The following TNF variants were observed in gnomAD, a reference collection of about 807,000 sequenced individuals.
The protein encoded by TNF is APC1 protein.
A neutral mutation model predicts 21.8 loss-of-function variants in TNF; 7 were observed. The observed-to-expected ratio is 0.32, with a 90% confidence interval of 0.18 to 0.60. TNF has a LOEUF of 0.60. Among genes scored for constraint, TNF ranks in the 20% least tolerant of loss-of-function variants. The probability of loss-of-function intolerance (pLI) is 0.84; values close to 1 mark genes in which losing one functional copy is unlikely to be tolerated. For synonymous variants in TNF, 123 were observed against 130.2 expected, an observed-to-expected ratio of 0.94 and a Z score of 0.38; for missense variants, 216 against 296.6, an observed-to-expected ratio of 0.73 and a Z score of 2.00.
rs371089170 is a variant in TNF, at chr6:31,577,044, C to T, written c.281-72C>T. Reference sequence around the variant, plus strand: ...AACCGGATGTGGGGTGGGCAGAGCTCGAGGGCCAGGATGTGGAGAGTGAAC... The same window carrying T: ...AACCGGATGTGGGGTGGGCAGAGCTTGAGGGCCAGGATGTGGAGAGTGAAC... On this transcript the variant is annotated intron_variant, in intron 3 of 3. Coordinates refer to ENST00000449264, the MANE Select transcript of TNF (RefSeq NM_000594.4). The surrounding 1 kb of genome is among the most constrained non-coding windows in gnomAD (Gnocchi z 7.7). 7.2e-6 allele frequency: 11 copies of T among 1,533,160 alleles called. No homozygotes were observed. The East Asian group carries it at 9.0e-5, about 13-fold the overall frequency. The allele number at this position is 1,533,160 out of a possible 1,614,324, so 95.0% of individuals were successfully genotyped here. A position where few individuals can be genotyped will look rare whatever the true frequency, so the allele number is the denominator to read the frequency against.
chr6:31,576,902 A>G, intron 3 of TNF, 88 bp downstream of exon 3: 1 of 1,524,058 alleles, frequency 6.6e-7, no homozygotes. Context: ...ACTTGGAGAC[A>G]ATGTGAGAAG....
chr6:31,577,120 C>T lies in TNF; in HGVS notation c.285C>T (p.Asn95=), dbSNP rs1275059124. 3.7e-6 allele frequency: 6 copies of T among 1,604,602 alleles called. No homozygotes were observed. Among genetic ancestry groups the T allele is most frequent in the Non-Finnish European group, 4.3e-6 (5 of 1,175,678 alleles). The stretch of plus-strand genomic sequence containing the variant: ...TCCCTCTCTCCCTCCCTCCAGCAAA[C>T]CCTCAAGCTGAGGGGCAGCTCCAGT... ...SDKPVAHVVA[N]PQAEGQLQWL... Residue 95 remains asparagine, a synonymous_variant, in exon 4 of 4, where the codon AAC becomes AAT. Transcript: ENST00000449264. The surrounding 1 kb of genome is among the most constrained non-coding windows in gnomAD (Gnocchi z 7.7).
chr6:31,576,809 T>C lies in TNF; in HGVS notation c.275T>C (p.Val92Ala). 6.2e-7 allele frequency: 1 copy of C among 1,612,932 alleles called. No individual in the cohort carries two copies. Among genetic ancestry groups the C allele is most frequent in the Non-Finnish European group, 8.5e-7 (1 of 1,179,978 alleles). ...CCGAGTGACAAGCCTGTAGCCCATG[T>C]TGTAGGTAAGAGCTCTGAGGATGTG... is the stretch of plus-strand genomic sequence containing the variant. ...RTPSDKPVAHVVANPQAEGQL... is the reference protein window; with the variant it reads ...RTPSDKPVAHAVANPQAEGQL... Residue 92 changes from valine (V) to alanine (A), a missense_variant, in exon 3 of 4, where the codon GTT (valine) becomes GCT (alanine). By Grantham distance (64) the Val-to-Ala change is moderately conservative. Transcript: ENST00000449264.
intron 1 of TNF, among the ~76,000 whole-genome samples, 168 bp downstream of exon 1, chr6:31,576,095 G>T (rs1771167988): frequency 6.6e-6 from 1 of 152,166 alleles, no homozygotes; most frequent in South Asian, 2.1e-4. Flanking sequence ...AAGAGATGGG[G>T]AAGAGAGAGA....
Position 31,577,026 on chromosome 6 carries a change from T to C in TNF, c.281-90T>C, listed in dbSNP as rs2150389639. 6.7e-7 allele frequency: 1 copy of C among 1,492,100 alleles called. No individual in the cohort carries two copies. The highest frequency in any genetic ancestry group is 1.3e-5 in the South Asian group (1 of 79,818). 92.4% of individuals were successfully genotyped at this position (1,492,100 alleles called of 1,614,324 possible). A position where few individuals can be genotyped will look rare whatever the true frequency, so the allele number is the denominator to read the frequency against. Reference sequence around the variant, plus strand: ...ACAGACAGAGAGGACAGGAACCGGATGTGGGGTGGGCAGAGCTCGAGGGCC... The same window carrying C: ...ACAGACAGAGAGGACAGGAACCGGACGTGGGGTGGGCAGAGCTCGAGGGCC... On this transcript the variant is annotated intron_variant, in intron 3 of 3. Coordinates refer to ENST00000449264, the MANE Select transcript of TNF (RefSeq NM_000594.4). This position sits in a 1 kb window ranked among gnomAD's most constrained non-coding sequence, Gnocchi z 7.7.
rs772549106 is a variant in TNF at position 31,577,609 on chromosome 6, C to T, written c.*72C>T. The stretch of plus-strand genomic sequence containing the variant: ...CCTTTATTACCCCCTCCTTCAGACA[C>T]CCTCAACCTCTTCTGGCTCAAAAAG... On this transcript the variant is annotated 3_prime_UTR_variant, in exon 4 of 4. Coordinates refer to ENST00000449264, the MANE Select transcript of TNF (RefSeq NM_000594.4). The surrounding 1 kb of genome is among the most constrained non-coding windows in gnomAD (Gnocchi z 7.7). 15 of 1,570,562 alleles carry T rather than the reference C, an allele frequency of 9.6e-6. No individual in the cohort carries two copies. Among genetic ancestry groups the T allele is most frequent in the African/African-American group, 4.0e-5 (3 of 74,212 alleles).
At position 31,577,047 on chromosome 6, in the gene TNF, G is replaced by A; in HGVS notation, c.281-69G>A. On this transcript the variant is annotated intron_variant, in intron 3 of 3. Transcript: ENST00000449264. This position sits in a 1 kb window ranked among gnomAD's most constrained non-coding sequence, Gnocchi z 7.7. ...CGGATGTGGGGTGGGCAGAGCTCGA[G>A]GGCCAGGATGTGGAGAGTGAACCGA... 11 of 1,536,906 alleles carry A rather than the reference G, an allele frequency of 7.2e-6. No homozygotes were observed. Among genetic ancestry groups the A allele is most frequent in the Non-Finnish European group, 9.6e-6 (11 of 1,141,298 alleles).
intron 1 of TNF, among the ~76,000 whole-genome samples, chr6:31,576,151 CTAAG>C (rs1771171718): frequency 6.6e-6 from 1 of 151,816 alleles, no homozygotes; most frequent in African/African-American, 2.4e-5. Flanking sequence ...AAGGTGCTCA[CTAAG>C]TGTGTATGGA....
rs762056461 is a variant in TNF at position 31,577,504 on chromosome 6, T to G, written c.669T>G (p.Ser223=). The change falls in exon 4 of 4, where the codon TCT becomes TCG. Residue 223 remains serine (S), a synonymous_variant. Coordinates refer to ENST00000449264, the MANE Select transcript of TNF (RefSeq NM_000594.4). This position sits in a 1 kb window ranked among gnomAD's most constrained non-coding sequence, Gnocchi z 7.7. ...NRPDYLDFAE[S]GQVYFGIIAL is the part of the protein sequence containing the mutation. ...CCGACTATCTCGACTTTGCCGAGTC[T>G]GGGCAGGTCTACTTTGGGATCATTG... 6.2e-7 allele frequency: 1 copy of G among 1,613,122 alleles called. No individual in the cohort carries two copies. The highest frequency in any genetic ancestry group is 1.1e-5 in the South Asian group (1 of 91,088).
In TNF at chr6:31,577,074, A is replaced by C. The variant is rs1371765506; in HGVS notation, c.281-42A>C. ...GCCAGGATGTGGAGAGTGAACCGACATGGCCACACTGACTCTCCTCTCCCT... is the reference window on the plus strand; with the variant it reads ...GCCAGGATGTGGAGAGTGAACCGACCTGGCCACACTGACTCTCCTCTCCCT... On this transcript the variant is annotated intron_variant, in intron 3 of 3. Transcript: ENST00000449264. The surrounding 1 kb of genome is among the most constrained non-coding windows in gnomAD (Gnocchi z 7.7). The C allele has an allele frequency of 6.4e-7, 1 of 1,562,254 alleles. No homozygotes were observed. Among genetic ancestry groups the C allele is most frequent in the Non-Finnish European group, 8.7e-7 (1 of 1,155,764 alleles).
chr6:31,576,599 T>C lies in TNF; in HGVS notation c.232+20T>C. 1.2e-6 allele frequency: 2 copies of C among 1,612,624 alleles called. No homozygotes were observed. The highest frequency in any genetic ancestry group is 1.7e-6 in the Non-Finnish European group (2 of 1,179,506). On this transcript the variant is annotated intron_variant, in intron 2 of 3. Transcript: ENST00000449264. ...CAGTCAGTAAGTGTCTCCAAACCTC[T>C]TTCCTAATTCTGGGTTTGGGTTTGG...
rs772842161 is a variant in TNF at position 31,577,355 on chromosome 6, A to G, written c.520A>G (p.Lys174Glu). 6.2e-7 allele frequency: 1 copy of G among 1,613,150 alleles called. No homozygotes were observed. Among genetic ancestry groups the G allele is most frequent in the Admixed American group, 1.7e-5 (1 of 60,034 alleles). Residue 174 changes from lysine to glutamate, a missense_variant, in exon 4 of 4, where the codon AAG (lysine) becomes GAG (glutamate). Transcript: ENST00000449264. The surrounding 1 kb of genome is among the most constrained non-coding windows in gnomAD (Gnocchi z 7.7). ...CAAGGTCAACCTCCTCTCTGCCATCAAGAGCCCCTGCCAGAGGGAGACCCC... is the reference window on the plus strand; with the variant it reads ...CAAGGTCAACCTCCTCTCTGCCATCGAGAGCCCCTGCCAGAGGGAGACCCC... ...QTKVNLLSAI[K>E]SPCQRETPEG... is the part of the protein sequence containing the mutation.
Position 31,575,756 on chromosome 6 carries a change from C to G in TNF, c.15C>G (p.Ser5Arg). ...GAAAGGACACCATGAGCACTGAAAG[C>G]ATGATCCGGGACGTGGAGCTGGCCG... MSTE[S>R]MIRDVELAEE... The change falls in exon 1 of 4, where the codon AGC becomes AGG. Residue 5 changes from serine to arginine, a missense_variant. Ser to Arg is a moderately radical substitution (Grantham distance 110). Coordinates refer to ENST00000449264, the MANE Select transcript of TNF (RefSeq NM_000594.4). This position sits in a 1 kb window ranked among gnomAD's most constrained non-coding sequence, Gnocchi z 6.2. 6.3e-7 allele frequency: 1 copy of G among 1,597,604 alleles called. No homozygotes were observed. The highest frequency in any genetic ancestry group is 8.5e-7 in the Non-Finnish European group (1 of 1,172,158).
rs4645838 is a variant in TNF at position 31,575,627 on chromosome 6, AC to A, written c.-108del. 22 of 941,580 alleles carry A rather than the reference AC, an allele frequency of 2.3e-5. No individual in the cohort carries two copies. Among genetic ancestry groups the A allele is most frequent in the East Asian group, 1.3e-4 (5 of 37,762 alleles). 58.3% of individuals were successfully genotyped at this position (941,580 alleles called of 1,614,324 possible). A position where few individuals can be genotyped will look rare whatever the true frequency, so the allele number is the denominator to read the frequency against. On this transcript the variant is annotated 5_prime_UTR_variant, in exon 1 of 4. Transcript: ENST00000449264. The surrounding 1 kb of genome is among the most constrained non-coding windows in gnomAD (Gnocchi z 6.2). ...CTAAGAGGGAGAGAAGCAACTACAG[AC>A]CCCCCCTGAAAACAACCCTCAGACG...
In TNF at chr6:31,575,828, G is replaced by T. The variant is rs2228088; in HGVS notation, c.87G>T (p.Arg29=). The part of the protein sequence containing the change: ...KKTGGPQGSR[R]CLFLSLFSFL... ...CAGGGGGGCCCCAGGGCTCCAGGCG[G>T]TGCTTGTTCCTCAGCCTCTTCTCCT... Residue 29 remains arginine (R), a synonymous_variant, in exon 1 of 4, where the codon CGG becomes CGT. Transcript: ENST00000449264. The surrounding 1 kb of genome is among the most constrained non-coding windows in gnomAD (Gnocchi z 6.2). 2.9e-3 allele frequency: 4,631 copies of T among 1,612,698 alleles called. 105 individuals carry two copies. The African/African-American group carries it at 0.053, about 18-fold the overall frequency.
rs1583050033 is a variant in TNF at position 31,577,423 on chromosome 6, G to A, written c.588G>A (p.Leu196=). ...AGCCCTGGTATGAGCCCATCTATCT[G>A]GGAGGGGTCTTCCAGCTGGAGAAGG... The part of the protein sequence containing the change: ...EAKPWYEPIY[L]GGVFQLEKGD... Residue 196 remains leucine (L), a synonymous_variant, in exon 4 of 4, where the codon CTG becomes CTA. Coordinates refer to ENST00000449264, the MANE Select transcript of TNF (RefSeq NM_000594.4). The surrounding 1 kb of genome is among the most constrained non-coding windows in gnomAD (Gnocchi z 7.7). The A allele has an allele frequency of 1.2e-6, 2 of 1,613,136 alleles. No individual in the cohort carries two copies. The highest frequency in any genetic ancestry group is 8.5e-7 in the Non-Finnish European group (1 of 1,180,034).
chr6:31,575,566 G>A lies in TNF; in HGVS notation c.-176G>A. On this transcript the variant is annotated 5_prime_UTR_variant, in exon 1 of 4. Transcript: ENST00000449264. This position sits in a 1 kb window ranked among gnomAD's most constrained non-coding sequence, Gnocchi z 6.2. Reference sequence around the variant, plus strand: ...AGGCAGTTGTTGGCACACCCAGCCAGCAGACGCTCCCTCAGCAAGGACAGC... The same window carrying A: ...AGGCAGTTGTTGGCACACCCAGCCAACAGACGCTCCCTCAGCAAGGACAGC... The A allele has an allele frequency of 1.7e-6, 1 of 604,300 alleles. No individual in the cohort carries two copies. Among genetic ancestry groups the A allele is most frequent in the Non-Finnish European group, 2.9e-6 (1 of 349,676 alleles). 37.4% of individuals were successfully genotyped at this position (604,300 alleles called of 1,614,324 possible).
intron 3 of TNF, 134 bp from the exon 4 acceptor site, chr6:31,576,982 C>T: frequency 7.3e-7 from 1 of 1,368,626 alleles, no homozygotes; most frequent in Non-Finnish European, 1.0e-6. Flanking sequence ...AACGTCATGG[C>T]CAGGTGGGAT....
chr6:31,576,677 C>G, intron 2 of TNF, 90 bp from the exon 3 acceptor site: 2 of 1,588,218 alleles, frequency 1.3e-6, no homozygotes, highest in Non-Finnish European at 8.6e-7. Flanking sequence ...AAGTTTTGGT[C>G]TTGGGGGAGG....
Sources: allele counts gnomAD v4.1 joint callset (sites outside exome capture counted in the v4.1 genomes callset), GRCh38; gene constraint gnomAD v4.1.1; non-coding constraint Gnocchi (gnomAD v3.1); transcripts MANE v1.5; gene names NCBI Gene and HGNC (gene_info 2026-07-23, HGNC 2026-07-21).